ZNF143: variants seen among roughly 807,000 people sequenced by gnomAD.
ZNF143 encodes the protein zinc finger protein 143, also known as SPH-binding factor.
Under a neutral mutation model 74.1 loss-of-function variants are expected in ZNF143, and 49 were observed. That is an observed-to-expected ratio of 0.66 (90% confidence interval 0.53 to 0.84). The LOEUF (loss-of-function observed/expected upper bound fraction) is 0.84. ZNF143 is among the 40% of genes least tolerant of loss of function. The pLI, the probability that ZNF143 is intolerant of heterozygous loss-of-function variation, is 0.00. For missense variants in ZNF143, 637 were observed against 793.4 expected, an observed-to-expected ratio of 0.80 and a Z score of 2.37; for synonymous variants, 304 against 282.8, an observed-to-expected ratio of 1.07 and a Z score of -0.75.
Position 9,496,235 on chromosome 11 carries a change from C to T in ZNF143, c.766-68C>T, listed in dbSNP as rs141692137. 1.0e-4 allele frequency: 144 copies of T among 1,409,112 alleles called. 2 individuals carry two copies. In the East Asian group the frequency reaches 3.1e-3, roughly 30 times the overall value. 87.3% of individuals were successfully genotyped at this position (1,409,112 alleles called of 1,614,324 possible). ...TTTAGCAGTGTGGGAAAAAGTAGTT[C>T]TGTGTTGCAACCATCTTCCTGAGGA... On this transcript the variant is annotated intron_variant, in intron 8 of 15. Coordinates refer to ENST00000396602, the MANE Select transcript of ZNF143 (RefSeq NM_003442.6).
chr11:9,490,509 C>T (rs1030717940), intron 7 of ZNF143, among the ~76,000 whole-genome samples: 1 of 151,628 alleles, frequency 6.6e-6, no homozygotes, highest in African/African-American at 2.4e-5. Context: ...TGGTTTCCAA[C>T]TCCTGGGCTC....
At chr11:9,499,885 C>T (rs1276392704) in intron 10 of ZNF143, among the ~76,000 whole-genome samples, 1 of 152,150 alleles carries the variant, frequency 6.6e-6, no homozygotes, top group Non-Finnish European at 1.5e-5. Flanking sequence ...GTTTAAAGGC[C>T]TTTCGTATTC....
At chr11:9,498,627 G>T (rs942195165) in intron 10 of ZNF143, among the ~76,000 whole-genome samples, 20 of 152,014 alleles carry the variant, frequency 1.3e-4, no homozygotes, top group Admixed American at 4.6e-4. Context: ...TTGATTACTT[G>T]TGGAGTTGGT....
chr11:9,527,111 G>A (rs1271144833), intron 15 of ZNF143, among the ~76,000 whole-genome samples: 1 of 152,138 alleles, frequency 6.6e-6, no homozygotes, highest in African/African-American at 2.4e-5. Flanking sequence ...GAGATTACAG[G>A]CGTGAGCCAC....
intron 12 of ZNF143, among the ~76,000 whole-genome samples, chr11:9,511,548 C>T (rs1372629367): frequency 4.6e-5 from 7 of 151,338 alleles, no homozygotes; most frequent in Admixed American, 6.6e-5. Context: ...ATGATCCGCC[C>T]GCCTTGGCCT....
Position 9,464,216 on chromosome 11 carries a change from C to A in ZNF143, c.-8+3140C>A, listed in dbSNP as rs375409138. Among the ~76,000 whole-genome samples, 56 of 152,184 alleles carry A rather than the reference C, an allele frequency of 3.7e-4. No individual in the cohort carries two copies. The East Asian group carries it at 0.01, about 27-fold the overall frequency. ...GCATGATCTCAGCTCACTGCAGCCT[C>A]AACCTCCCTGGCACAAGTGATCCTC... is the stretch of plus-strand genomic sequence containing the variant. On this transcript the variant is annotated intron_variant, in intron 1 of 15. Transcript: ENST00000396602.
At chr11:9,518,318 T>G (rs1402982320) in intron 14 of ZNF143, among the ~76,000 whole-genome samples, 1 of 152,186 alleles carries the variant, frequency 6.6e-6, no homozygotes, top group Admixed American at 6.6e-5. Context: ...CACCTCCAAA[T>G]GTTGGCAAAG....
intron 8 of ZNF143, among the ~76,000 whole-genome samples, chr11:9,496,062 A>C (rs1847947326): frequency 6.6e-6 from 1 of 152,182 alleles, no homozygotes; most frequent in Non-Finnish European, 1.5e-5. Flanking sequence ...CACTCGAGAA[A>C]GCTCAGACCT....
chr11:9,494,792 A>G (rs1369080462), intron 8 of ZNF143, 27 bp downstream of exon 8: 1 of 1,583,282 alleles, frequency 6.3e-7, no homozygotes, highest in Non-Finnish European at 8.6e-7. Flanking sequence ...TGTTCTATCT[A>G]GTTATGAGAA....
At chr11:9,491,619 C>G (rs540656525) in intron 7 of ZNF143, among the ~76,000 whole-genome samples, 1 of 151,462 alleles carries the variant, frequency 6.6e-6, no homozygotes, top group Non-Finnish European at 1.5e-5. Flanking sequence ...GCCTGGGGAA[C>G]AGAGTGAGAC....
chr11:9,469,816 G>T (rs1379621508), intron 1 of ZNF143, among the ~76,000 whole-genome samples: 2 of 152,204 alleles, frequency 1.3e-5, no homozygotes, highest in Non-Finnish European at 2.9e-5. Flanking sequence ...TCAGAGTGCT[G>T]TGAATCCAGG....
At chr11:9,484,820 C>T (rs1170610732) in intron 7 of ZNF143, among the ~76,000 whole-genome samples, 2 of 1,738 alleles carry the variant, frequency 1.2e-3, no homozygotes, top group South Asian at 0.018. Context: ...TTTTTTGAGA[C>T]GGAGTCTAGC....
At chr11:9,525,724 A>G (rs1307922598) in intron 15 of ZNF143, among the ~76,000 whole-genome samples, 1 of 152,216 alleles carries the variant, frequency 6.6e-6, no homozygotes, top group Non-Finnish European at 1.5e-5. Context: ...CTCCTTAGAG[A>G]AAAACCTAGT....
intron 7 of ZNF143, 105 bp downstream of exon 7, chr11:9,479,651 C>T: frequency 1.2e-6 from 1 of 868,918 alleles, no homozygotes; most frequent in East Asian, 2.8e-5. Flanking sequence ...AGGAAAATCT[C>T]ACCAGTTCAG....
In ZNF143 at chr11:9,478,077, C is replaced by T. The variant is rs147989162; in HGVS notation, c.374-313C>T. 8.0e-3 allele frequency among the ~76,000 whole-genome samples: 1,221 copies of T among 152,304 alleles called. 9 individuals are homozygous for T. Among genetic ancestry groups the T allele is most frequent in the Non-Finnish European group, 0.01 (714 of 68,024 alleles). On this transcript the variant is annotated intron_variant, in intron 5 of 15. Transcript: ENST00000396602. ...TCCTGACCTCGTGATCCGCCCGCCT[C>T]GGCCTCCCAGAGTCCTGGGATTATA...
At chr11:9,515,888 G>A (rs997422078) in intron 13 of ZNF143, among the ~76,000 whole-genome samples, 40 of 151,582 alleles carry the variant, frequency 2.6e-4, no homozygotes, top group Admixed American at 2.0e-3. Context: ...AAGAGGATGA[G>A]GCTAGAGGAT....
intron 14 of ZNF143, among the ~76,000 whole-genome samples, chr11:9,524,105 C>T (rs549008973): frequency 1.1e-4 from 16 of 151,922 alleles, no homozygotes; most frequent in Middle Eastern, 3.5e-3. Flanking sequence ...GGGGGCTTCC[C>T]ACTCAAATTC....
At chr11:9,525,625 T>A in intron 15 of ZNF143, 4 of 530,394 alleles carry the variant, frequency 7.5e-6, no homozygotes, top group Non-Finnish European at 1.4e-5. Flanking sequence ...AACCTTCAGG[T>A]ATATATCCCT....
intron 1 of ZNF143, among the ~76,000 whole-genome samples, chr11:9,470,922 T>G (rs571380750): frequency 6.6e-6 from 1 of 152,162 alleles, no homozygotes; most frequent in South Asian, 2.1e-4. Context: ...GTAGCCAGAT[T>G]CGGGGTAGAT....
Sources: gnomAD v4.1 joint callset for allele counts (sites outside exome capture counted in the v4.1 genomes callset) on GRCh38, gnomAD v4.1.1 for gene constraint, MANE v1.5 for transcripts, NCBI Gene and HGNC (gene_info 2026-07-23, HGNC 2026-07-21) for gene names.